LRCH3: variants seen among roughly 807,000 people sequenced by gnomAD.
LRCH3 encodes the protein leucine rich repeats and calponin homology domain containing 3.
A neutral mutation model predicts 104.5 loss-of-function variants in LRCH3; 68 were observed. The ratio of observed to expected loss-of-function variants is 0.65; its 90% CI spans 0.54 to 0.80. LRCH3 has a LOEUF of 0.80. LRCH3 is among the 30% of genes least tolerant of loss of function. LRCH3 has a pLI of 0.00. For missense variants in LRCH3, 951 were observed against 953.9 expected (o/e 1.00, Z 0.04); for synonymous variants, 344 against 361.3 (o/e 0.95, Z 0.54).
chr3:197,842,372 C>G (rs76937882), intron 10 of LRCH3, among the ~76,000 whole-genome samples: 16,595 of 152,156 alleles, frequency 0.11, 1,075 homozygotes, highest in African/African-American at 0.18. Context: ...ATGTTGAATT[C>G]GAACCTAAAA....
chr3:197,793,683 C>G (rs1730878511), intron 1 of LRCH3, among the ~76,000 whole-genome samples: 1 of 152,120 alleles, frequency 6.6e-6, no homozygotes, highest in Non-Finnish European at 1.5e-5. Flanking sequence ...TTACTGTGCT[C>G]TGAGTTTTTA....
intron 14 of LRCH3, among the ~76,000 whole-genome samples, chr3:197,858,495 A>T (rs1740529397): frequency 6.6e-6 from 1 of 152,032 alleles, no homozygotes; most frequent in Admixed American, 6.6e-5. Flanking sequence ...CCCTCATCGT[A>T]GGAACAGGAC....
intron 5 of LRCH3, among the ~76,000 whole-genome samples, chr3:197,827,922 C>A (rs768446152): frequency 1.3e-5 from 2 of 151,612 alleles, no homozygotes; most frequent in Admixed American, 1.3e-4. Flanking sequence ...ACTAAAAATA[C>A]AAAAATTAGC....
intron 20 of LRCH3, chr3:197,881,746 A>C (rs1475034560): frequency 3.0e-6 from 3 of 985,302 alleles, no homozygotes; most frequent in Non-Finnish European, 3.6e-6. Context: ...AACTCTGTTA[A>C]CAAAATTGGG....
rs1553794326 is a variant in LRCH3 at position 197,886,825 on chromosome 3, A to AC, written c.*3162dup. On this transcript the variant is annotated 3_prime_UTR_variant, in exon 21 of 21. Transcript: ENST00000425562. ...GTCTCAAAAAAAAAAAAAAAAAAAA[A>AC]CCCACCAAACCAAAAATATACTATG... 1 of 149,834 alleles carries AC rather than the reference A, an allele frequency of 6.7e-6. No homozygotes were observed. The highest frequency in any genetic ancestry group is 1.5e-5 in the Non-Finnish European group (1 of 67,754). 9.3% of individuals were successfully genotyped at this position (149,834 alleles called of 1,614,324 possible). A position where few individuals can be genotyped will look rare whatever the true frequency, so the allele number is the denominator to read the frequency against.
intron 20 of LRCH3, among the ~76,000 whole-genome samples, chr3:197,879,389 G>C (rs1468853499): frequency 6.6e-6 from 1 of 152,152 alleles, no homozygotes; most frequent in Admixed American, 6.5e-5. Context: ...GCTCACGCCT[G>C]TAATCCCAGC....
At chr3:197,799,306 GA>G (rs1194603355) in intron 1 of LRCH3, among the ~76,000 whole-genome samples, 3 of 152,156 alleles carry the variant, frequency 2.0e-5, no homozygotes, top group African/African-American at 7.2e-5. Context: ...GTGCGCTTGG[GA>G]AAAATGTATG....
chr3:197,883,668 G>A lies in LRCH3; in HGVS notation c.*2G>A, dbSNP rs551785943. On this transcript the variant is annotated 3_prime_UTR_variant, in exon 21 of 21. Transcript: ENST00000425562. This position sits in a 1 kb window ranked among gnomAD's most constrained non-coding sequence, Gnocchi z 4.2. ...CAGCACCAGTTATCTGCTGTTTGAG[G>A]ATCCCCAGGACGGTGGGCACTGGCC... 18 of 1,535,816 alleles carry A rather than the reference G, an allele frequency of 1.2e-5. No homozygotes were observed. The South Asian group carries it at 2.0e-4, about 17-fold the overall frequency.
chr3:197,864,324 ACAG>A (rs1397684099), intron 15 of LRCH3, among the ~76,000 whole-genome samples: 1 of 131,108 alleles, frequency 7.6e-6, no homozygotes, highest in African/African-American at 3.0e-5. Context: ...AAAAATAAAA[ACAG>A]CTGGGCGTGG....
intron 20 of LRCH3, 126 bp downstream of exon 20, chr3:197,875,901 T>C (rs1712834611): frequency 3.3e-6 from 2 of 603,746 alleles, no homozygotes; most frequent in Non-Finnish European, 5.7e-6. Context: ...AACATGACTT[T>C]GTGTTACAAG....
At chr3:197,867,411 T>C (rs372021038) in intron 17 of LRCH3, among the ~76,000 whole-genome samples, 110 of 150,378 alleles carry the variant, frequency 7.3e-4, no homozygotes, top group African/African-American at 2.4e-3. Flanking sequence ...GTGAAACTTA[T>C]GTCTCAAAAA....
intron 9 of LRCH3, 28 bp from the exon 10 acceptor site, chr3:197,839,293 A>G (rs776350564): frequency 6.7e-7 from 1 of 1,496,990 alleles, no homozygotes; most frequent in East Asian, 2.3e-5. Context: ...AATATACTAA[A>G]TTTATTTATT....
intron 1 of LRCH3, among the ~76,000 whole-genome samples, chr3:197,812,504 G>GTTTTTGTTTTTTTTTTTT: frequency 2.0e-5 from 1 of 48,976 alleles, no homozygotes; most frequent in African/African-American, 7.9e-5. Flanking sequence ...TCTGCTTTCA[G>GTTTTTGTTTTTTTTTTTT]TTTTTTTTTT....
chr3:197,882,542 A>T, intron 20 of LRCH3: 2 of 946,152 alleles, frequency 2.1e-6, no homozygotes, highest in Non-Finnish European at 2.5e-6. Flanking sequence ...AAAACAAAAA[A>T]ACCCAACTAG....
At chr3:197,806,945 C>T (rs1212821721) in intron 1 of LRCH3, among the ~76,000 whole-genome samples, 1 of 151,120 alleles carries the variant, frequency 6.6e-6, no homozygotes, top group Non-Finnish European at 1.5e-5. Context: ...AGGCTCAGGT[C>T]AGAGAATCAC....
rs1713930995 is a variant in LRCH3 at position 197,883,146 on chromosome 3, T to G, written c.2209-395T>G. The G allele has an allele frequency of 1.0e-6, 1 of 989,064 alleles. No individual in the cohort carries two copies. The allele number at this position is 989,064 out of a possible 1,614,324, so 61.3% of individuals were successfully genotyped here. On this transcript the variant is annotated intron_variant, in intron 20 of 20. Coordinates refer to ENST00000425562, the MANE Select transcript of LRCH3 (RefSeq NM_001365715.1). The surrounding 1 kb of genome is among the most constrained non-coding windows in gnomAD (Gnocchi z 4.2). The stretch of plus-strand genomic sequence containing the variant: ...CCCTCAAGTGTAGTATCTTTTACTC[T>G]TGAGCCATCTGGTAGCGTGGAATTG...
At chr3:197,844,219 T>A (rs1477887295) in intron 10 of LRCH3, among the ~76,000 whole-genome samples, 3 of 152,182 alleles carry the variant, frequency 2.0e-5, no homozygotes, top group Non-Finnish European at 4.4e-5. Context: ...TGTGGTTATG[T>A]TCTATTTCAG....
chr3:197,813,618 C>T (rs1257080143), intron 1 of LRCH3, among the ~76,000 whole-genome samples: 2 of 142,942 alleles, frequency 1.4e-5, no homozygotes, highest in African/African-American at 2.6e-5. Context: ...GCAACCTCTG[C>T]CTCCCAGGTT....
chr3:197,839,163 C>G (rs1737401781), intron 9 of LRCH3, among the ~76,000 whole-genome samples, 158 bp from the exon 10 acceptor site: 1 of 152,142 alleles, frequency 6.6e-6, no homozygotes, highest in South Asian at 2.1e-4. Context: ...AGCAGTATAG[C>G]ATATGATGCT....
Sources: gnomAD v4.1 joint callset for allele counts (sites outside exome capture counted in the v4.1 genomes callset) on GRCh38, gnomAD v4.1.1 for gene constraint, Gnocchi (gnomAD v3.1) non-coding constraint, MANE v1.5 for transcripts, NCBI Gene and HGNC (gene_info 2026-07-23, HGNC 2026-07-21) for gene names.